The following STAM2 variants were observed in gnomAD, a reference collection of about 807,000 sequenced individuals.
The protein encoded by STAM2 is signal transducing adaptor molecule 2, also known as signal transducing adapter molecule 2.
A neutral mutation model predicts 65.6 loss-of-function variants in STAM2; 51 were observed. That is an observed-to-expected ratio of 0.78 (90% CI 0.62 to 0.98). The LOEUF is 0.98. STAM2 is among the 50% of genes least tolerant of loss of function. The pLI is 0.00. For synonymous variants in STAM2, 198 were observed against 208.4 expected (o/e 0.95, Z 0.43); for missense variants, 584 against 617.8 (o/e 0.95, Z 0.58).
chr2:152,125,312 C>T (rs1049401168), intron 12 of STAM2, among the ~76,000 whole-genome samples: 5 of 152,150 alleles, frequency 3.3e-5, no homozygotes, highest in South Asian at 2.1e-4. Flanking sequence ...TCTTGTCTGA[C>T]GTGACAGTTA....
chr2:152,152,642 G>A (rs374860629), intron 1 of STAM2, among the ~76,000 whole-genome samples: 14 of 152,242 alleles, frequency 9.2e-5, no homozygotes, highest in African/African-American at 3.1e-4. Context: ...TGGACATTAC[G>A]CCTTCATTGT....
rs148719709 is a variant in STAM2, at chr2:152,123,966, T to C, written c.1180-31A>G. On this transcript the variant is annotated intron_variant, in intron 12 of 13. Transcript: ENST00000263904. ...AATCAGAAAGAAAAAGTTGATTCAC[T>C]CATCTCCCAAACATGTGCCTAATAA... 274 of 1,576,874 alleles carry C rather than the reference T, an allele frequency of 1.7e-4. No individual in the cohort carries two copies. The African/African-American group carries it at 2.9e-3, about 17-fold the overall frequency.
intron 1 of STAM2, among the ~76,000 whole-genome samples, chr2:152,170,154 TG>T (rs1689873060): frequency 1.3e-5 from 2 of 151,312 alleles, no homozygotes; most frequent in East Asian, 4.0e-4. Flanking sequence ...ACACTTCTAC[TG>T]AAGAATTCCC....
chr2:152,164,274 T>C (rs1224831446), intron 1 of STAM2, among the ~76,000 whole-genome samples: 1 of 152,088 alleles, frequency 6.6e-6, no homozygotes, highest in Admixed American at 6.5e-5. Context: ...TTAAACACAC[T>C]GAATAGGAAA....
intron 1 of STAM2, among the ~76,000 whole-genome samples, chr2:152,161,725 A>G (rs1689682234): frequency 6.6e-6 from 1 of 152,136 alleles, no homozygotes; most frequent in South Asian, 2.1e-4. Context: ...CACCCCATTT[A>G]ATGTTCTGTT....
In STAM2 at chr2:152,163,445, T is replaced by C. The variant is rs1428841483; in HGVS notation, c.40+12158A>G. Among the ~76,000 whole-genome samples, 9 of 151,236 alleles carry C rather than the reference T, an allele frequency of 6.0e-5. 1 individual carries two copies. Among genetic ancestry groups the C allele is most frequent in the Non-Finnish European group, 1.2e-4 (8 of 67,962 alleles). Reference sequence around the variant, plus strand: ...AACTCAAGACCCTGTGATGATTGCATTAACTGTACAAATTGATTGTAAAAG... The same window carrying C: ...AACTCAAGACCCTGTGATGATTGCACTAACTGTACAAATTGATTGTAAAAG... On this transcript the variant is annotated intron_variant, in intron 1 of 13. Transcript: ENST00000263904.
chr2:152,122,204 T>C (rs1017432959), intron 13 of STAM2, among the ~76,000 whole-genome samples: 16 of 151,754 alleles, frequency 1.1e-4, no homozygotes, highest in Admixed American at 2.6e-4. Flanking sequence ...GGTGAGAGGA[T>C]TGCTTGAGGT....
At chr2:152,148,166 T>C (rs369304338) in intron 3 of STAM2, 44 bp from the exon 4 acceptor site, 3 of 1,590,076 alleles carry the variant, frequency 1.9e-6, no homozygotes, top group South Asian at 2.3e-5. Flanking sequence ...AATATTAACT[T>C]ACTGTAATTA....
At chr2:152,128,223 C>T (rs1203874719) in intron 11 of STAM2, among the ~76,000 whole-genome samples, 3 of 151,962 alleles carry the variant, frequency 2.0e-5, no homozygotes, top group African/African-American at 4.8e-5. Flanking sequence ...CTGGCTAACA[C>T]GGTGAAACCC....
rs1162131171 is a variant in STAM2 at position 152,150,132 on chromosome 2, C to T, written c.125+13G>A. On this transcript the variant is annotated intron_variant, in intron 2 of 13. Coordinates refer to ENST00000263904, the MANE Select transcript of STAM2 (RefSeq NM_005843.6). ...GTTCCTAGACATTCACTGAGCATGA[C>T]TGGACATCTTACCCATTAGGAGTAC... The T allele has an allele frequency of 1.9e-6, 3 of 1,572,422 alleles. No homozygotes were observed. Among genetic ancestry groups the T allele is most frequent in the Admixed American group, 3.4e-5 (2 of 59,690 alleles).
intron 8 of STAM2, 106 bp downstream of exon 8, chr2:152,135,403 T>G: frequency 1.3e-6 from 1 of 779,500 alleles, no homozygotes; most frequent in Non-Finnish European, 2.0e-6. Context: ...AAGAAATGAT[T>G]TAAAACAAAA....
chr2:152,152,065 C>T (rs1473315597), intron 1 of STAM2, among the ~76,000 whole-genome samples: 2 of 152,070 alleles, frequency 1.3e-5, no homozygotes, highest in Non-Finnish European at 2.9e-5. Context: ...CTCAGCTTCC[C>T]GAGTAGCTAG....
intron 1 of STAM2, among the ~76,000 whole-genome samples, chr2:152,170,547 A>G (rs927811258): frequency 6.6e-6 from 1 of 152,108 alleles, no homozygotes; most frequent in African/African-American, 2.4e-5. Context: ...AACTTTCAAT[A>G]CAGAGCTGTC....
intron 2 of STAM2, among the ~76,000 whole-genome samples, chr2:152,149,114 CTATTA>C (rs1165842488): frequency 2.0e-5 from 3 of 152,050 alleles, no homozygotes; most frequent in African/African-American, 4.8e-5. Context: ...CATTGTTAAT[CTATTA>C]TATTTATATG....
intron 1 of STAM2, among the ~76,000 whole-genome samples, chr2:152,163,536 C>T (rs1207311567): frequency 6.6e-6 from 1 of 151,946 alleles, no homozygotes; most frequent in African/African-American, 2.4e-5. Flanking sequence ...AATTGGTGCA[C>T]CTTAAAAAAG....
At chr2:152,171,558 A>C (rs1369846944) in intron 1 of STAM2, among the ~76,000 whole-genome samples, 1 of 152,238 alleles carries the variant, frequency 6.6e-6, no homozygotes, top group Admixed American at 6.5e-5. Flanking sequence ...TTTCTTATAA[A>C]ATTTCACTGG....
At chr2:152,161,383 C>G (rs1039621211) in intron 1 of STAM2, among the ~76,000 whole-genome samples, 12 of 150,628 alleles carry the variant, frequency 8.0e-5, no homozygotes, top group Non-Finnish European at 1.3e-4. Context: ...GGTCCTCTGC[C>G]TAGGAAAACC....
chr2:152,170,853 G>A (rs968009097), intron 1 of STAM2, among the ~76,000 whole-genome samples: 6 of 152,074 alleles, frequency 3.9e-5, no homozygotes, highest in South Asian at 2.1e-4. Flanking sequence ...AAAATTAGCC[G>A]AGCATGGTGG....
chr2:152,166,919 T>G (rs1380369775), intron 1 of STAM2, among the ~76,000 whole-genome samples: 1 of 152,260 alleles, frequency 6.6e-6, no homozygotes, highest in African/African-American at 2.4e-5. Flanking sequence ...CAAATGAAAA[T>G]AAGCAAGTGC....
Sources: allele counts gnomAD v4.1 joint callset (sites outside exome capture counted in the v4.1 genomes callset), GRCh38; gene constraint gnomAD v4.1.1; transcripts MANE v1.5; gene names NCBI Gene and HGNC (gene_info 2026-07-23, HGNC 2026-07-21).